RIT2: variants seen among roughly 807,000 people sequenced by gnomAD.
The protein encoded by RIT2 is Ras like without CAAX 2.
A neutral mutation model predicts 23.7 loss-of-function variants in RIT2; 24 were observed. That is an observed-to-expected ratio of 1.01 (90% CI 0.73 to 1.43). The LOEUF is 1.43. Ranked by LOEUF, RIT2 falls within the 40% of genes most tolerant of loss-of-function variation. The pLI, the probability that RIT2 is intolerant of heterozygous loss-of-function variation, is 0.00. For missense variants in RIT2, 236 were observed against 266.9 expected (o/e 0.88, Z 0.81); for synonymous variants, 107 against 91.1 (o/e 1.17, Z -0.99).
chr18:43,052,211 A>G (rs1013991667), intron 1 of RIT2, among the ~76,000 whole-genome samples: 1 of 152,130 alleles, frequency 6.6e-6, no homozygotes, highest in Non-Finnish European at 1.5e-5. Context: ...TATATTATGT[A>G]TGTAACTTAA....
intron 1 of RIT2, among the ~76,000 whole-genome samples, chr18:43,046,413 G>C (rs1286184146): frequency 6.6e-6 from 1 of 152,172 alleles, no homozygotes; most frequent in Non-Finnish European, 1.5e-5. Context: ...CCACTGACTA[G>C]ATCAGTCCCT....
chr18:43,102,445 C>CTTTTTTTT (rs200839354), intron 1 of RIT2, among the ~76,000 whole-genome samples: 1 of 109,932 alleles, frequency 9.1e-6, no homozygotes. Flanking sequence ...TCAGGAAACC[C>CTTTTTTTT]TTTTTTTTTT....
At chr18:42,766,592 C>A (rs1196978828) in intron 4 of RIT2, among the ~76,000 whole-genome samples, 1 of 152,070 alleles carries the variant, frequency 6.6e-6, no homozygotes, top group African/African-American at 2.4e-5. Context: ...GAAAGAAAAC[C>A]CCATTTTCTG....
intron 1 of RIT2, among the ~76,000 whole-genome samples, chr18:43,094,123 G>T (rs71352061): frequency 0.023 from 2,689 of 115,598 alleles, 26 homozygotes; most frequent in Middle Eastern, 0.038. Flanking sequence ...GGTTTTTTTT[G>T]TTTTTTTTTT....
At chr18:43,018,465 A>G (rs1362617943) in intron 2 of RIT2, among the ~76,000 whole-genome samples, 1 of 152,056 alleles carries the variant, frequency 6.6e-6, no homozygotes, top group Non-Finnish European at 1.5e-5. Context: ...ATACCATTAA[A>G]ACAAGTTAAA....
At chr18:42,820,071 A>G (rs1275624962) in intron 4 of RIT2, among the ~76,000 whole-genome samples, 3 of 152,160 alleles carry the variant, frequency 2.0e-5, no homozygotes, top group African/African-American at 7.2e-5. Flanking sequence ...TCAGCACAGA[A>G]CAAATTTAAG....
intron 3 of RIT2, among the ~76,000 whole-genome samples, chr18:42,925,944 T>G (rs922418296): frequency 5.3e-5 from 8 of 151,780 alleles, no homozygotes; most frequent in African/African-American, 1.9e-4. Flanking sequence ...TTTATACATG[T>G]ACCATAATTT....
intron 3 of RIT2, among the ~76,000 whole-genome samples, chr18:42,929,986 T>C (rs900349902): frequency 1.3e-5 from 2 of 152,092 alleles, no homozygotes; most frequent in Non-Finnish European, 2.9e-5. Flanking sequence ...TGTGGAGTTG[T>C]GGCAAGACGG....
rs200231977 is a variant in RIT2, at chr18:42,954,374, CAAAA to C, written c.234+19696_234+19699del. On this transcript the variant is annotated intron_variant, in intron 3 of 4. Coordinates refer to ENST00000326695, the MANE Select transcript of RIT2 (RefSeq NM_002930.4). ...CTAGGCAATGAGTGAATTTCCAACT[CAAAA>C]AAAAAAAAAAAAAAAACCTGTAAAT... is the stretch of plus-strand genomic sequence containing the variant. 1.8e-3 allele frequency among the ~76,000 whole-genome samples: 155 copies of C among 86,310 alleles called. 1 individual carries two copies. The South Asian group carries it at 0.019, about 11-fold the overall frequency. 56.6% of individuals were successfully genotyped at this position (86,310 alleles called of 152,430 possible). A position where few individuals can be genotyped will look rare whatever the true frequency, so the allele number is the denominator to read the frequency against.
chr18:42,820,654 C>A (rs1364342157), intron 4 of RIT2, among the ~76,000 whole-genome samples: 1 of 152,170 alleles, frequency 6.6e-6, no homozygotes, highest in Non-Finnish European at 1.5e-5. Flanking sequence ...GGTCTCTCTA[C>A]AAGACTTCTT....
At chr18:42,811,251 T>C (rs749989196) in intron 4 of RIT2, among the ~76,000 whole-genome samples, 28 of 152,240 alleles carry the variant, frequency 1.8e-4, no homozygotes, top group Middle Eastern at 3.4e-3. Flanking sequence ...GTATTATCCA[T>C]AGTTTTCCAC....
chr18:43,096,147 T>C (rs1194667881), intron 1 of RIT2, among the ~76,000 whole-genome samples: 2 of 151,940 alleles, frequency 1.3e-5, no homozygotes, highest in Non-Finnish European at 2.9e-5. Context: ...TCCCAACTTG[T>C]AAACAAGTAT....
chr18:42,872,005 C>T (rs1907632963), intron 4 of RIT2, among the ~76,000 whole-genome samples: 1 of 152,182 alleles, frequency 6.6e-6, no homozygotes, highest in Admixed American at 6.5e-5. Context: ...CTTTGCCAGA[C>T]TGCCAAACTG....
chr18:42,807,875 A>T (rs1174442256), intron 4 of RIT2, among the ~76,000 whole-genome samples: 2 of 151,952 alleles, frequency 1.3e-5, no homozygotes. Context: ...GGACTTCAGC[A>T]GGTAATGGTG....
intron 1 of RIT2, among the ~76,000 whole-genome samples, chr18:43,086,131 G>C (rs548628770): frequency 3.9e-5 from 6 of 152,182 alleles, no homozygotes; most frequent in African/African-American, 1.4e-4. Flanking sequence ...TTAAATATTT[G>C]CATTATTCTT....
chr18:42,804,052 A>G (rs1207659731), intron 4 of RIT2, among the ~76,000 whole-genome samples: 1 of 152,204 alleles, frequency 6.6e-6, no homozygotes, highest in African/African-American at 2.4e-5. Flanking sequence ...TGAATGAATC[A>G]AGCCATTTAT....
intron 4 of RIT2, among the ~76,000 whole-genome samples, chr18:42,788,734 G>T (rs1019665975): frequency 1.3e-5 from 2 of 152,068 alleles, no homozygotes; most frequent in African/African-American, 4.8e-5. Context: ...CAAGTAACAA[G>T]GTAATTCATT....
intron 1 of RIT2, among the ~76,000 whole-genome samples, chr18:43,090,451 G>C (rs1022969368): frequency 3.3e-4 from 50 of 152,104 alleles, no homozygotes; most frequent in African/African-American, 1.2e-3. Flanking sequence ...CCATGTGGAA[G>C]ACAGTGTGGC....
intron 4 of RIT2, among the ~76,000 whole-genome samples, chr18:42,887,438 G>A (rs1908051199): frequency 6.6e-6 from 1 of 152,120 alleles, no homozygotes; most frequent in Non-Finnish European, 1.5e-5. Flanking sequence ...CAGACTTCAG[G>A]CTTAGGTAAT....
Sources: allele counts gnomAD v4.1 joint callset (sites outside exome capture counted in the v4.1 genomes callset), GRCh38; gene constraint gnomAD v4.1.1; transcripts MANE v1.5; gene names NCBI Gene and HGNC (gene_info 2026-07-23, HGNC 2026-07-21).